NDUFB5: variants seen among roughly 807,000 people sequenced by gnomAD.
The protein encoded by NDUFB5 is NADH dehydrogenase [ubiquinone] 1 beta subcomplex subunit 5, mitochondrial.
A neutral mutation model predicts 19.4 loss-of-function variants in NDUFB5; 19 were observed. The observed-to-expected ratio is 0.98, with a 90% CI of 0.68 to 1.43. The LOEUF is 1.43. Ranked by LOEUF, NDUFB5 falls within the 40% of genes most tolerant of loss-of-function variation. NDUFB5 has a pLI of 0.00. For missense variants in NDUFB5, 233 were observed against 236.5 expected, an observed-to-expected ratio of 0.99 and a Z score of 0.10; for synonymous variants, 80 against 82.6, an observed-to-expected ratio of 0.97 and a Z score of 0.17.
intron 4 of NDUFB5, among the ~76,000 whole-genome samples, chr3:179,617,627 G>A (rs892623021): frequency 4.6e-5 from 7 of 152,160 alleles, no homozygotes; most frequent in Admixed American, 3.3e-4. Context: ...CAATGCCTTA[G>A]GAGAGACTTC....
chr3:179,610,794 C>T (rs1156913086), intron 1 of NDUFB5, among the ~76,000 whole-genome samples: 1 of 152,142 alleles, frequency 6.6e-6, no homozygotes, highest in East Asian at 1.9e-4. Flanking sequence ...GCTAAGTTCT[C>T]CCCTCAGCTG....
chr3:179,615,909 C>A, intron 2 of NDUFB5, 74 bp from the exon 3 acceptor site: 1 of 1,129,376 alleles, frequency 8.9e-7, no homozygotes, highest in Non-Finnish European at 1.3e-6. Context: ...ATGAGGAAAT[C>A]ATATCATGAG....
At chr3:179,605,235 C>T (rs1439657783) in intron 1 of NDUFB5, among the ~76,000 whole-genome samples, 1 of 152,174 alleles carries the variant, frequency 6.6e-6, no homozygotes, top group African/African-American at 2.4e-5. Flanking sequence ...ATCTCTAGGG[C>T]ACAAGCTTAT....
chr3:179,624,619 T>A lies in NDUFB5; in HGVS notation c.*579T>A, dbSNP rs1264504905. On this transcript the variant is annotated 3_prime_UTR_variant, in exon 6 of 6. Transcript: ENST00000259037. ...CACACACACACGCTCTTTTCCTAGA[T>A]GCAATCTCTGGGATCCCTTAGAGTC... 1 of 97,814 alleles carries A rather than the reference T, an allele frequency of 1.0e-5. No homozygotes were observed. Among genetic ancestry groups the A allele is most frequent in the Non-Finnish European group, 2.0e-5 (1 of 49,166 alleles). The allele number at this position is 97,814 out of a possible 1,614,324, so 6.1% of individuals were successfully genotyped here. A position where few individuals can be genotyped will look rare whatever the true frequency, so the allele number is the denominator to read the frequency against.
chr3:179,623,813 T>A, intron 5 of NDUFB5, 107 bp from the exon 6 acceptor site: 1 of 1,381,830 alleles, frequency 7.2e-7, no homozygotes, highest in Non-Finnish European at 1.0e-6. Context: ...AGGAGCATTA[T>A]ACTTTACATA....
intron 1 of NDUFB5, among the ~76,000 whole-genome samples, chr3:179,609,294 G>A (rs9829395): frequency 0.64 from 97,422 of 151,998 alleles, 31,464 homozygotes; most frequent in East Asian, 0.89. Flanking sequence ...TGTGGGTGGT[G>A]AAAGAATTTA....
intron 5 of NDUFB5, among the ~76,000 whole-genome samples, chr3:179,622,013 G>T (rs566340981): frequency 6.6e-6 from 1 of 152,138 alleles, no homozygotes; most frequent in Non-Finnish European, 1.5e-5. Context: ...TGTTGCCTCA[G>T]CTGGAGTGCA....
chr3:179,612,469 T>G (rs2108395593), intron 1 of NDUFB5, among the ~76,000 whole-genome samples: 1 of 149,940 alleles, frequency 6.7e-6, no homozygotes, highest in East Asian at 2.0e-4. Context: ...ACTAAGTGCA[T>G]TAAACCTTTT....
intron 2 of NDUFB5, 61 bp downstream of exon 2, chr3:179,615,120 C>A: frequency 2.0e-6 from 2 of 1,001,140 alleles, no homozygotes; most frequent in South Asian, 1.6e-5. Context: ...AAATTTTTGC[C>A]TCTTTAGAAA....
Position 179,617,027 on chromosome 3 carries a change from C to A in NDUFB5, c.325C>A (p.His109Asn). The change falls in exon 4 of 6, where the codon CAC becomes AAC. Residue 109 changes from histidine (H) to asparagine (N), a missense_variant. By Grantham distance (68) the His-to-Asn change is moderately conservative (BLOSUM62 1). Transcript: ENST00000259037. ...AATTCCAGAAGGCTATGTCCCAGAA[C>A]ACTGGGAATATTATAAGGTTTGTAT... ...AEIPEGYVPE[H>N]WEYYKHPISR... is the part of the protein sequence containing the mutation. 6.2e-7 allele frequency: 1 copy of A among 1,610,550 alleles called. No individual in the cohort carries two copies. Among genetic ancestry groups the A allele is most frequent in the Non-Finnish European group, 8.5e-7 (1 of 1,177,140 alleles).
intron 5 of NDUFB5, among the ~76,000 whole-genome samples, chr3:179,619,336 G>T (rs1399843529): frequency 2.0e-5 from 3 of 151,434 alleles, no homozygotes; most frequent in Non-Finnish European, 4.4e-5. Flanking sequence ...ATCTCCTAAT[G>T]CTATCCCTCC....
intron 1 of NDUFB5, among the ~76,000 whole-genome samples, chr3:179,612,736 A>G (rs1402806261): frequency 6.6e-6 from 1 of 152,036 alleles, no homozygotes; most frequent in African/African-American, 2.4e-5. Context: ...TCGGCCTCCC[A>G]AAGTGCTGGG....
intron 1 of NDUFB5, among the ~76,000 whole-genome samples, chr3:179,607,214 C>T (rs1719128707): frequency 6.6e-6 from 1 of 152,202 alleles, no homozygotes; most frequent in Non-Finnish European, 1.5e-5. Context: ...GTGTTTTCAG[C>T]TGTGTACCTG....
intron 1 of NDUFB5, among the ~76,000 whole-genome samples, chr3:179,609,292 G>T (rs1328175275): frequency 1.3e-5 from 2 of 152,166 alleles, no homozygotes; most frequent in African/African-American, 4.8e-5. Context: ...ATTGTGGGTG[G>T]TGAAAGAATT....
chr3:179,624,011 C>T lies in NDUFB5; in HGVS notation c.541C>T (p.His181Tyr), dbSNP rs1190303875. The T allele has an allele frequency of 1.2e-6, 2 of 1,613,744 alleles. No homozygotes were observed. Among genetic ancestry groups the T allele is most frequent in the Non-Finnish European group, 1.7e-6 (2 of 1,179,862 alleles). The change falls in exon 6 of 6, where the codon CAT (histidine) becomes TAT (tyrosine). Residue 181 changes from histidine to tyrosine, a missense_variant. Transcript: ENST00000259037. ...YETIDKELID[H>Y]SPKATPDN The stretch of plus-strand genomic sequence containing the variant: ...GACAATTGACAAGGAACTTATTGAT[C>T]ATTCTCCGAAAGCAACTCCTGACAA...
At chr3:179,614,495 A>G (rs1327640359) in intron 1 of NDUFB5, among the ~76,000 whole-genome samples, 10 of 152,192 alleles carry the variant, frequency 6.6e-5, no homozygotes, top group African/African-American at 2.4e-4. Flanking sequence ...TTTAAATTAA[A>G]TGTATTTCTT....
At chr3:179,612,074 C>T (rs530273776) in intron 1 of NDUFB5, among the ~76,000 whole-genome samples, 2 of 152,026 alleles carry the variant, frequency 1.3e-5, no homozygotes, top group Admixed American at 6.5e-5. Flanking sequence ...CTCAGCCTCC[C>T]GAGTAGCTGG....
intron 5 of NDUFB5, among the ~76,000 whole-genome samples, chr3:179,623,597 C>G (rs1228311511): frequency 6.6e-6 from 1 of 152,142 alleles, no homozygotes; most frequent in Non-Finnish European, 1.5e-5. Flanking sequence ...TCACTTGAGC[C>G]TGGGAGGTAG....
At chr3:179,620,391 G>A (rs1719504072) in intron 5 of NDUFB5, among the ~76,000 whole-genome samples, 1 of 152,032 alleles carries the variant, frequency 6.6e-6, no homozygotes. Context: ...GTAAGGAAGG[G>A]ATCCAGTTTC....
Sources: gnomAD v4.1 joint callset for allele counts (sites outside exome capture counted in the v4.1 genomes callset) on GRCh38, gnomAD v4.1.1 for gene constraint, MANE v1.5 for transcripts, NCBI Gene and HGNC (gene_info 2026-07-23, HGNC 2026-07-21) for gene names.